UCK2: variants seen among roughly 807,000 people sequenced by gnomAD.
UCK2 encodes the protein uridine-cytidine kinase 2, also known as cytidine monophosphokinase 2.
A neutral mutation model predicts 30.8 loss-of-function variants in UCK2; 6 were observed. The ratio of observed to expected loss-of-function variants is 0.19; its 90% CI spans 0.11 to 0.38. The LOEUF is 0.38. UCK2 is among the 10% of genes least tolerant of loss of function. The pLI is 1.00. For synonymous variants in UCK2, 125 were observed against 133.6 expected (o/e 0.94, Z 0.45); for missense variants, 210 against 339.8 (o/e 0.62, Z 3.00).
At chr1:165,883,327 G>T (rs550827036) in intron 1 of UCK2, among the ~76,000 whole-genome samples, 1 of 152,300 alleles carries the variant, frequency 6.6e-6, no homozygotes, top group Non-Finnish European at 1.5e-5. Flanking sequence ...TGCAGTCTGT[G>T]TGCCCAGCTA....
At chr1:165,878,668 G>A (rs1308529347) in intron 1 of UCK2, among the ~76,000 whole-genome samples, 1 of 152,148 alleles carries the variant, frequency 6.6e-6, no homozygotes, top group African/African-American at 2.4e-5. Flanking sequence ...TTTTAGCACT[G>A]AATCACATTC....
chr1:165,884,503 A>G (rs1318634977), intron 1 of UCK2, among the ~76,000 whole-genome samples: 1 of 152,204 alleles, frequency 6.6e-6, no homozygotes, highest in Non-Finnish European at 1.5e-5. Context: ...CGCCCTCCCA[A>G]GGGCTGAATT....
At chr1:165,830,327 A>T (rs1220628861) in intron 1 of UCK2, among the ~76,000 whole-genome samples, 1 of 84,776 alleles carries the variant, frequency 1.2e-5, no homozygotes, top group Non-Finnish European at 2.0e-5. Context: ...TATTTTTTTT[A>T]TTATTTTTTT....
At chr1:165,848,547 G>T (rs542611576) in intron 1 of UCK2, among the ~76,000 whole-genome samples, 2 of 151,388 alleles carry the variant, frequency 1.3e-5, no homozygotes, top group African/African-American at 4.9e-5. Context: ...CAGGAGAATC[G>T]CTTGAACCCA....
intron 1 of UCK2, among the ~76,000 whole-genome samples, chr1:165,851,137 CCT>C (rs1247530667): frequency 3.3e-5 from 5 of 152,018 alleles, no homozygotes; most frequent in Admixed American, 1.3e-4. Flanking sequence ...TTCTGCTCCC[CCT>C]GTTATCTCTG....
At chr1:165,859,242 G>T (rs1388514808) in intron 1 of UCK2, among the ~76,000 whole-genome samples, 1 of 151,506 alleles carries the variant, frequency 6.6e-6, no homozygotes, top group Non-Finnish European at 1.5e-5. Flanking sequence ...GGGAATGGAG[G>T]TTAACACCAT....
At chr1:165,836,371 T>C (rs1482578391) in intron 1 of UCK2, among the ~76,000 whole-genome samples, 1 of 152,230 alleles carries the variant, frequency 6.6e-6, no homozygotes, top group African/African-American at 2.4e-5. Context: ...TAGAATAAGA[T>C]TTTTCATTTG....
intron 1 of UCK2, among the ~76,000 whole-genome samples, chr1:165,866,078 C>T (rs1446479795): frequency 6.6e-6 from 1 of 151,906 alleles, no homozygotes; most frequent in Non-Finnish European, 1.5e-5. Flanking sequence ...AAGGTACTTT[C>T]AGGGAGCAGT....
intron 3 of UCK2, chr1:165,894,112 A>C (rs1444626185): frequency 6.6e-6 from 1 of 152,198 alleles, no homozygotes; most frequent in Non-Finnish European, 1.5e-5. Context: ...CCCCTGCCAT[A>C]TTAGGGATGC....
intron 1 of UCK2, among the ~76,000 whole-genome samples, chr1:165,865,642 G>A (rs991788696): frequency 1.3e-5 from 2 of 151,898 alleles, no homozygotes; most frequent in African/African-American, 4.8e-5. Flanking sequence ...CCGACAGACT[G>A]TCCATTCCGT....
At chr1:165,859,307 G>A (rs77737126) in intron 1 of UCK2, among the ~76,000 whole-genome samples, 3,107 of 152,012 alleles carry the variant, frequency 0.02, 117 homozygotes, top group Admixed American at 0.077. Context: ...CCTGCGCCCC[G>A]CCCCTCCATG....
chr1:165,878,938 T>C (rs1393260121), intron 1 of UCK2, among the ~76,000 whole-genome samples: 1 of 152,246 alleles, frequency 6.6e-6, no homozygotes, highest in Non-Finnish European at 1.5e-5. Context: ...CTACCAGCAA[T>C]GAGTGAGAGT....
chr1:165,850,575 G>T (rs1001281423), intron 1 of UCK2, among the ~76,000 whole-genome samples: 9 of 151,642 alleles, frequency 5.9e-5, no homozygotes, highest in Non-Finnish European at 1.2e-4. Flanking sequence ...AAGTAGCTGG[G>T]ACTACAGGTG....
intron 1 of UCK2, among the ~76,000 whole-genome samples, chr1:165,839,398 A>G (rs1654271235): frequency 6.6e-6 from 1 of 152,168 alleles, no homozygotes; most frequent in African/African-American, 2.4e-5. Flanking sequence ...CAGATTGGCC[A>G]TTTGATTTCT....
intron 1 of UCK2, among the ~76,000 whole-genome samples, chr1:165,850,175 A>G (rs1654551472): frequency 6.6e-6 from 1 of 152,178 alleles, no homozygotes; most frequent in South Asian, 2.1e-4. Flanking sequence ...CTTGTTACCC[A>G]GGCTGGAGTG....
chr1:165,891,180 C>T (rs1655756737), intron 2 of UCK2, 46 bp from the exon 3 acceptor site: 2 of 1,533,258 alleles, frequency 1.3e-6, no homozygotes, highest in African/African-American at 1.4e-5. Context: ...TATAGGAGAT[C>T]CTATTTTAAA....
intron 1 of UCK2, among the ~76,000 whole-genome samples, chr1:165,868,529 T>C (rs1340978778): frequency 6.6e-6 from 1 of 152,262 alleles, no homozygotes; most frequent in Non-Finnish European, 1.5e-5. Context: ...ACATCAGCAC[T>C]TGCCGCTTCA....
At chr1:165,854,391 T>C (rs373624495) in intron 1 of UCK2, among the ~76,000 whole-genome samples, 2 of 152,294 alleles carry the variant, frequency 1.3e-5, no homozygotes, top group African/African-American at 4.8e-5. Flanking sequence ...ATTCAGATGA[T>C]TCTTGGGTGT....
intron 1 of UCK2, among the ~76,000 whole-genome samples, chr1:165,850,927 ATTTTTTTTTTTTTT>A: frequency 1.8e-5 from 2 of 109,934 alleles, no homozygotes; most frequent in African/African-American, 6.8e-5. Flanking sequence ...TGGCCTTTAA[ATTTTTTTTTTTTTT>A]TTTTTTTTTT....
Sources: gnomAD v4.1 joint callset for allele counts (sites outside exome capture counted in the v4.1 genomes callset) on GRCh38, gnomAD v4.1.1 for gene constraint, MANE v1.5 for transcripts, NCBI Gene and HGNC (gene_info 2026-07-23, HGNC 2026-07-21) for gene names.